ADPRHL1: variants seen among roughly 807,000 people sequenced by gnomAD.
ADPRHL1 encodes ADP-ribosylhydrolase like 1.
A neutral mutation model predicts 44.1 loss-of-function variants in ADPRHL1; 43 were observed. That is an observed-to-expected ratio of 0.98 (90% CI 0.76 to 1.26). The LOEUF (loss-of-function observed/expected upper bound fraction) is 1.26. Among genes scored for constraint, ADPRHL1 ranks in the 50% most tolerant of loss-of-function variants. The pLI is 0.00. For synonymous variants in ADPRHL1, 878 were observed against 1,017.4 expected (o/e 0.86, Z 2.61); for missense variants, 2,022 against 2,496.9 (o/e 0.81, Z 4.05).
At chr13:113,410,278 A>G (rs1336723849) in intron 7 of ADPRHL1, among the ~76,000 whole-genome samples, 2 of 152,140 alleles carry the variant, frequency 1.3e-5, no homozygotes, top group Non-Finnish European at 2.9e-5. Flanking sequence ...CCCGGTGGGC[A>G]TCAGTGGATC....
At chr13:113,412,353 AT>A (rs1183661524) in intron 7 of ADPRHL1, among the ~76,000 whole-genome samples, 8 of 151,958 alleles carry the variant, frequency 5.3e-5, no homozygotes, top group South Asian at 2.1e-4. Flanking sequence ...AATTTTTTGT[AT>A]TTTTTAGTAG....
intron 5 of ADPRHL1, among the ~76,000 whole-genome samples, chr13:113,424,557 C>T (rs556583222): frequency 3.9e-5 from 6 of 152,010 alleles, no homozygotes; most frequent in South Asian, 2.1e-4. Context: ...CGGGTTCAAG[C>T]GATTCTCCTG....
At chr13:113,437,752 A>C (rs1190976665) in intron 2 of ADPRHL1, among the ~76,000 whole-genome samples, 1 of 152,242 alleles carries the variant, frequency 6.6e-6, no homozygotes, top group African/African-American at 2.4e-5. Context: ...ATGAGGCACC[A>C]GATCCTGGTG....
chr13:113,425,928 A>T (rs1484346001), intron 4 of ADPRHL1, among the ~76,000 whole-genome samples: 5 of 146,738 alleles, frequency 3.4e-5, no homozygotes, highest in Admixed American at 3.4e-4. Context: ...TGATCCTCCC[A>T]CCTCGGCTTC....
At position 113,409,854 on chromosome 13, in the gene ADPRHL1, A is replaced by C. The variant is rs867179613; in HGVS notation, c.1062-1634T>G. 1.1e-6 allele frequency: 1 copy of C among 879,290 alleles called. No individual in the cohort carries two copies. The highest frequency in any genetic ancestry group is 7.0e-5 in the Admixed American group (1 of 14,186). The allele number at this position is 879,290 out of a possible 1,614,324, so 54.5% of individuals were successfully genotyped here. On this transcript the variant is annotated intron_variant, in intron 7 of 7. Coordinates refer to ENST00000612156, the MANE Select transcript of ADPRHL1 (RefSeq NM_001394807.1). The surrounding 1 kb of genome is among the most constrained non-coding windows in gnomAD (Gnocchi z 4.2). The stretch of plus-strand genomic sequence containing the variant: ...CAGTGAGCCGAGATCGCACCACTGC[A>C]CTCCAGCCTGAGCGACAGAGCGAGA...
rs1034780602 is a variant in ADPRHL1 at position 113,405,064 on chromosome 13, A to G, written c.4218T>C (p.Val1406=). The change falls in exon 8 of 8, where the codon GTT becomes GTC. Residue 1406 remains valine (V), a synonymous_variant. Coordinates refer to ENST00000612156, the MANE Select transcript of ADPRHL1 (RefSeq NM_001394807.1). The stretch of plus-strand genomic sequence containing the variant: ...GAGGCTCTTTTGCTGGGTTCAGCAC[A>G]ACCTTCGAGCCCGACGGCGCCACCC... ...GKRVAPSGSK[V]VLNPAKEPQT... 3 of 1,232,188 alleles carry G rather than the reference A, an allele frequency of 2.4e-6. No homozygotes were observed. The African/African-American group carries it at 4.7e-5, about 19-fold the overall frequency. The allele number at this position is 1,232,188 out of a possible 1,614,324, so 76.3% of individuals were successfully genotyped here. A position where few individuals can be genotyped will look rare whatever the true frequency, so the allele number is the denominator to read the frequency against.
chr13:113,439,914 G>C (rs925289106), intron 2 of ADPRHL1, among the ~76,000 whole-genome samples: 5 of 151,974 alleles, frequency 3.3e-5, no homozygotes, highest in Non-Finnish European at 1.5e-5. Flanking sequence ...CTTAATTTCC[G>C]TAGACTCTGG....
chr13:113,413,755 C>A (rs771979833), intron 7 of ADPRHL1, among the ~76,000 whole-genome samples: 3 of 152,218 alleles, frequency 2.0e-5, no homozygotes, highest in African/African-American at 7.2e-5. Context: ...CCCAGCAGTG[C>A]GGGGCGAGAC....
chr13:113,444,846 A>C (rs924455720), intron 1 of ADPRHL1, among the ~76,000 whole-genome samples: 5 of 152,008 alleles, frequency 3.3e-5, no homozygotes, highest in Non-Finnish European at 5.9e-5. Flanking sequence ...GATGGTCTCG[A>C]TCTCCTGACC....
chr13:113,416,004 G>A (rs527595711), intron 7 of ADPRHL1, among the ~76,000 whole-genome samples: 7 of 152,076 alleles, frequency 4.6e-5, no homozygotes, highest in South Asian at 2.1e-4. Flanking sequence ...CCAGGGGCCC[G>A]GCTGGGATCC....
At chr13:113,446,840 TTG>T in intron 1 of ADPRHL1, among the ~76,000 whole-genome samples, 2 of 152,216 alleles carry the variant, frequency 1.3e-5, no homozygotes, top group African/African-American at 2.4e-5. Context: ...ATGCACGGTG[TTG>T]TGTGTGCATG....
At position 113,403,445 on chromosome 13, in the gene ADPRHL1, C is replaced by T; in HGVS notation, c.5837G>A (p.Arg1946Lys). Residue 1946 changes from arginine (R) to lysine (K), a missense_variant, in exon 8 of 8, where the codon AGG becomes AAG. Arg to Lys is a conservative substitution (Grantham distance 26). Transcript: ENST00000612156. ...TGGTCTGAAGGACAAATCGAAGGCC[C>T]TCTGGTCACGGAAGCTCTGGGCTTT... ...KYKAQSFRDQ[R>K]AFDLSFRPMS... The T allele has an allele frequency of 8.1e-7, 1 of 1,232,142 alleles. No individual in the cohort carries two copies. The highest frequency in any genetic ancestry group is 1.0e-6 in the Non-Finnish European group (1 of 988,020). The allele number at this position is 1,232,142 out of a possible 1,614,324, so 76.3% of individuals were successfully genotyped here. A position where few individuals can be genotyped will look rare whatever the true frequency, so the allele number is the denominator to read the frequency against.
rs1328715828 is a variant in ADPRHL1 at position 113,441,571 on chromosome 13, CTTATA to C, written c.379+2849_379+2853del. Among the ~76,000 whole-genome samples, 1 of 152,266 alleles carries C rather than the reference CTTATA, an allele frequency of 6.6e-6. No homozygotes were observed. The highest frequency in any genetic ancestry group is 2.4e-5 in the African/African-American group (1 of 41,552). On this transcript the variant is annotated intron_variant, in intron 2 of 7. Transcript: ENST00000612156. This position sits in a 1 kb window ranked among gnomAD's most constrained non-coding sequence, Gnocchi z 6.0. ...CGTGCTATTGTTGTTGTACATTCTA[CTTATA>C]TTTTATAAACCATACCGTTCATTAT...
rs553181034 is a variant in ADPRHL1, at chr13:113,441,193, G to A, written c.379+3232C>T. ...TTTCTTATAAGCAGCACATAGTTGG[G>A]GGCTGGGACCTGCTTCTTTATCTAA... On this transcript the variant is annotated intron_variant, in intron 2 of 7. Coordinates refer to ENST00000612156, the MANE Select transcript of ADPRHL1 (RefSeq NM_001394807.1). This position sits in a 1 kb window ranked among gnomAD's most constrained non-coding sequence, Gnocchi z 6.0. Among the ~76,000 whole-genome samples, 1 of 152,110 alleles carries A rather than the reference G, an allele frequency of 6.6e-6. No individual in the cohort carries two copies. Among genetic ancestry groups the A allele is most frequent in the South Asian group, 2.1e-4 (1 of 4,834 alleles).
At chr13:113,451,265 T>C (rs189835370) in intron 1 of ADPRHL1, among the ~76,000 whole-genome samples, 2 of 152,358 alleles carry the variant, frequency 1.3e-5, no homozygotes, top group East Asian at 1.9e-4. Flanking sequence ...ATTAATGATA[T>C]TCATATATAA....
chr13:113,407,449 C>T lies in ADPRHL1; in HGVS notation c.1833G>A (p.Leu611=), dbSNP rs1595536417. 8.1e-7 allele frequency: 1 copy of T among 1,232,030 alleles called. No homozygotes were observed. 76.3% of individuals were successfully genotyped at this position (1,232,030 alleles called of 1,614,324 possible). A position where few individuals can be genotyped will look rare whatever the true frequency, so the allele number is the denominator to read the frequency against. ...CCGGCAGGGGCTCAGCCGTGCAGGC[C>T]AGAAAGCGGGCAGGGGGCATCTTGA... The part of the protein sequence containing the change: ...TCVKMPPARF[L]ACTAEPLPAL... Residue 611 remains leucine, a synonymous_variant, in exon 8 of 8, where the codon CTG becomes CTA. Coordinates refer to ENST00000612156, the MANE Select transcript of ADPRHL1 (RefSeq NM_001394807.1).
At position 113,424,245 on chromosome 13, in the gene ADPRHL1, C is replaced by G; in HGVS notation, c.879G>C (p.Glu293Asp). ...ALLAAGNSWT[E>D]LCHRAMFHGG... The stretch of plus-strand genomic sequence containing the variant: ...CATGAAACATGGCCCGGTGACACAG[C>G]TCAGTCCAGCTGTTTCCTGCTGCAA... The change falls in exon 6 of 8, where the codon GAG becomes GAC. Residue 293 changes from glutamate (E) to aspartate (D), a missense_variant. Physicochemically the swap from Glu to Asp is conservative, Grantham distance 45. This residue lies in a region of ADPRHL1 where 437 missense variants were observed against 430.7 expected (regional missense o/e 1.01). Transcript: ENST00000612156. The G allele has an allele frequency of 6.2e-7, 1 of 1,612,884 alleles. No homozygotes were observed.
rs779263555 is a variant in ADPRHL1 at position 113,441,546 on chromosome 13, C to T, written c.379+2879G>A. ...CTTCCATCTCTCCCCTGCTAGCCTT[C>T]GTGCTATTGTTGTTGTACATTCTAC... On this transcript the variant is annotated intron_variant, in intron 2 of 7. Coordinates refer to ENST00000612156, the MANE Select transcript of ADPRHL1 (RefSeq NM_001394807.1). The surrounding 1 kb of genome is among the most constrained non-coding windows in gnomAD (Gnocchi z 6.0). Among the ~76,000 whole-genome samples, 9 of 152,242 alleles carry T rather than the reference C, an allele frequency of 5.9e-5. No homozygotes were observed. The highest frequency in any genetic ancestry group is 1.9e-4 in the East Asian group (1 of 5,184).
chr13:113,449,085 T>C (rs2044161726), intron 1 of ADPRHL1: 1 of 988,580 alleles, frequency 1.0e-6, no homozygotes, highest in African/African-American at 1.7e-5. Context: ...ACCTCTCCTA[T>C]GTGTCTTGTA....
Sources: gnomAD v4.1 joint callset for allele counts (sites outside exome capture counted in the v4.1 genomes callset) on GRCh38, gnomAD v4.1.1 for gene constraint, gnomAD v4.1.1 regional missense constraint, Gnocchi (gnomAD v3.1) non-coding constraint, MANE v1.5 for transcripts, NCBI Gene and HGNC (gene_info 2026-07-23, HGNC 2026-07-21) for gene names.